Variants in MAGI1 observed in about 807,000 individuals in gnomAD.
MAGI1 encodes the protein membrane-associated guanylate kinase, WW and PDZ domain-containing protein 1.
Under a neutral mutation model 139.9 loss-of-function variants are expected in MAGI1, and 58 were observed. The observed-to-expected ratio is 0.41, with a 90% CI of 0.34 to 0.52. MAGI1 has a LOEUF of 0.52. Among genes scored for constraint, MAGI1 ranks in the 20% least tolerant of loss-of-function variants. The probability of loss-of-function intolerance (pLI) is 0.12; values close to 1 mark genes in which losing one functional copy is unlikely to be tolerated. For synonymous variants in MAGI1, 812 were observed against 737.9 expected, an observed-to-expected ratio of 1.10 and a Z score of -1.63; for missense variants, 1,874 against 1,901.6, an observed-to-expected ratio of 0.99 and a Z score of 0.27.
chr3:65,589,989 A>G (rs1195240549), intron 2 of MAGI1, among the ~76,000 whole-genome samples: 2 of 152,114 alleles, frequency 1.3e-5, no homozygotes, highest in African/African-American at 2.4e-5. Context: ...TCAACGATCC[A>G]TGACTTAATC....
At chr3:65,853,815 C>T (rs946223875) in intron 1 of MAGI1, among the ~76,000 whole-genome samples, 1 of 152,122 alleles carries the variant, frequency 6.6e-6, no homozygotes, top group African/African-American at 2.4e-5. Context: ...TCAAGAAGTG[C>T]CCCGACAGGC....
intron 1 of MAGI1, among the ~76,000 whole-genome samples, chr3:65,994,503 G>A (rs1259595067): frequency 1.3e-5 from 2 of 152,182 alleles, no homozygotes; most frequent in Non-Finnish European, 2.9e-5. Flanking sequence ...CTTCTTGAAT[G>A]TATCTGTTTC....
chr3:65,568,109 C>A (rs1025869605), intron 2 of MAGI1, among the ~76,000 whole-genome samples: 1 of 152,102 alleles, frequency 6.6e-6, no homozygotes, highest in African/African-American at 2.4e-5. Flanking sequence ...AGGCACTTAA[C>A]GTGGAAGACT....
intron 5 of MAGI1, among the ~76,000 whole-genome samples, chr3:65,461,515 G>T (rs1428939052): frequency 4.0e-5 from 5 of 125,928 alleles, no homozygotes; most frequent in South Asian, 2.6e-4. Flanking sequence ...TTAAGACAGA[G>T]TCTCACTCTG....
At chr3:66,016,872 T>A (rs781691486) in intron 1 of MAGI1, among the ~76,000 whole-genome samples, 1 of 152,208 alleles carries the variant, frequency 6.6e-6, no homozygotes, top group African/African-American at 2.4e-5. Flanking sequence ...GACATTACAC[T>A]AATTGAGATA....
Position 66,038,917 on chromosome 3 carries a change from A to C in MAGI1, c.-609T>G, listed in dbSNP as rs900995255. 5 of 152,126 alleles carry C rather than the reference A, an allele frequency of 3.3e-5. No individual in the cohort carries two copies. Among genetic ancestry groups the C allele is most frequent in the Admixed American group, 6.5e-5 (1 of 15,280 alleles). 9.4% of individuals were successfully genotyped at this position (152,126 alleles called of 1,614,324 possible). On this transcript the variant is annotated 5_prime_UTR_variant, in exon 1 of 23. The change abolishes an upstream ATG in the 5' untranslated region. Coordinates refer to ENST00000402939, the MANE Select transcript of MAGI1 (RefSeq NM_001033057.2). ...GGCCGGCGACAGGAGACGCGCGCGCATGCGCCCCGCGGCCGCCAGCCGGCC... is the reference window on the plus strand; with the variant it reads ...GGCCGGCGACAGGAGACGCGCGCGCCTGCGCCCCGCGGCCGCCAGCCGGCC...
At chr3:65,384,926 A>T (rs1943332633) in intron 14 of MAGI1, among the ~76,000 whole-genome samples, 1 of 152,116 alleles carries the variant, frequency 6.6e-6, no homozygotes, top group African/African-American at 2.4e-5. Context: ...GGGTGACTGT[A>T]CAAATTTTAT....
intron 12 of MAGI1, among the ~76,000 whole-genome samples, chr3:65,415,644 A>C (rs1214289659): frequency 1.3e-5 from 2 of 152,224 alleles, no homozygotes; most frequent in Non-Finnish European, 2.9e-5. Context: ...CATATTCAAC[A>C]AAAAATAACC....
intron 2 of MAGI1, among the ~76,000 whole-genome samples, chr3:65,573,515 G>C (rs2081048683): frequency 6.6e-6 from 1 of 151,098 alleles, no homozygotes; most frequent in Admixed American, 6.6e-5. Flanking sequence ...AAGTATTTCA[G>C]AAACTCCCAC....
chr3:65,830,393 G>A (rs1262061393), intron 1 of MAGI1, among the ~76,000 whole-genome samples: 2 of 151,842 alleles, frequency 1.3e-5, no homozygotes, highest in Admixed American at 6.6e-5. Flanking sequence ...AAGACATGGG[G>A]TAGCTATAGC....
chr3:65,609,842 G>A (rs2082951270), intron 2 of MAGI1: 1 of 260,328 alleles, frequency 3.8e-6, no homozygotes, highest in Non-Finnish European at 8.1e-6. Flanking sequence ...TTCCCAAAGT[G>A]TTGGGATTAT....
At chr3:65,679,606 A>G (rs559857834) in intron 1 of MAGI1, among the ~76,000 whole-genome samples, 2 of 152,260 alleles carry the variant, frequency 1.3e-5, no homozygotes, top group Admixed American at 6.5e-5. Flanking sequence ...AAGGCTATCA[A>G]GAAGAAAGGA....
intron 1 of MAGI1, among the ~76,000 whole-genome samples, chr3:65,627,197 G>A (rs1048411089): frequency 2.6e-5 from 4 of 152,100 alleles, no homozygotes; most frequent in African/African-American, 4.8e-5. Flanking sequence ...GTAACATACT[G>A]TGCAGATTGT....
chr3:65,512,626 T>A (rs1157851493), intron 2 of MAGI1, among the ~76,000 whole-genome samples: 2 of 152,084 alleles, frequency 1.3e-5, no homozygotes, highest in African/African-American at 4.8e-5. Flanking sequence ...AATCTCTGAA[T>A]AGACCAATAA....
At chr3:65,496,046 T>C (rs947400964) in intron 2 of MAGI1, among the ~76,000 whole-genome samples, 5 of 152,168 alleles carry the variant, frequency 3.3e-5, no homozygotes, top group Admixed American at 6.5e-5. Context: ...GTTTTTCTTT[T>C]ATTTTCCTTT....
intron 1 of MAGI1, among the ~76,000 whole-genome samples, chr3:65,672,992 GGTTCT>G (rs1035096124): frequency 6.6e-6 from 1 of 152,092 alleles, no homozygotes; most frequent in Non-Finnish European, 1.5e-5. Context: ...TGTTATGACA[GGTTCT>G]GCGAAGGTGA....
At chr3:65,417,819 A>T (rs1355233764) in intron 12 of MAGI1, among the ~76,000 whole-genome samples, 3 of 152,026 alleles carry the variant, frequency 2.0e-5, no homozygotes, top group Non-Finnish European at 2.9e-5. Context: ...ATCTGAAAAT[A>T]TTTTTTTTAA....
At chr3:65,376,905 C>G (rs550356271) in intron 17 of MAGI1, among the ~76,000 whole-genome samples, 300 of 152,264 alleles carry the variant, frequency 2.0e-3, no homozygotes, top group African/African-American at 6.8e-3. Flanking sequence ...TTGCTAACTT[C>G]TAGAGAGAGG....
chr3:65,629,951 T>G (rs2084197837), intron 1 of MAGI1, among the ~76,000 whole-genome samples: 1 of 152,118 alleles, frequency 6.6e-6, no homozygotes, highest in Non-Finnish European at 1.5e-5. Flanking sequence ...TATATATATT[T>G]AACCACAATG....
Sources: allele counts gnomAD v4.1 joint callset (sites outside exome capture counted in the v4.1 genomes callset), GRCh38; gene constraint gnomAD v4.1.1; transcripts MANE v1.5; gene names NCBI Gene and HGNC (gene_info 2026-07-23, HGNC 2026-07-21).